Variants in PRKN observed in about 807,000 individuals in gnomAD.
PRKN encodes the protein parkin RBR E3 ubiquitin protein ligase.
In PRKN, 56 loss-of-function variants were observed where a neutral mutation model predicts 59.5. The observed-to-expected ratio is 0.94, with a 90% CI of 0.76 to 1.18. PRKN has a LOEUF of 1.18. PRKN is among the 50% of genes most tolerant of loss of function. The probability of loss-of-function intolerance (pLI) is 0.00; values close to 1 mark genes in which losing one functional copy is unlikely to be tolerated. For synonymous variants in PRKN, 250 were observed against 222.1 expected (o/e 1.13, Z -1.12); for missense variants, 657 against 596.4 (o/e 1.10, Z -1.06).
At chr6:162,402,683 T>C (rs1178800390) in intron 2 of PRKN, among the ~76,000 whole-genome samples, 1 of 150,478 alleles carries the variant, frequency 6.6e-6, no homozygotes, top group African/African-American at 2.4e-5. Context: ...TAAGACAAGG[T>C]CTTTCTCTGT....
Position 162,034,380 on chromosome 6 carries a change from C to G in PRKN, c.618+19711G>C, listed in dbSNP as rs76187931. ...TCAAAAAGTAGTGCTGGTAAAACAG[C>G]TAGAAACTGGGTGTTTCTTGCTCCA... is the stretch of plus-strand genomic sequence containing the variant. On this transcript the variant is annotated intron_variant, in intron 5 of 11. Transcript: ENST00000366898. Among the ~76,000 whole-genome samples the G allele has an allele frequency of 7.0e-3, 1,071 of 152,200 alleles. 13 individuals carry two copies. The highest frequency in any genetic ancestry group is 0.024 in the African/African-American group (1,015 of 41,520).
chr6:161,856,317 G>A (rs1347991776), intron 6 of PRKN, among the ~76,000 whole-genome samples: 4 of 151,462 alleles, frequency 2.6e-5, no homozygotes, highest in Admixed American at 6.6e-5. Context: ...CCGAGATTGC[G>A]CCACTGCACT....
At chr6:162,556,247 T>A (rs1053095392) in intron 1 of PRKN, among the ~76,000 whole-genome samples, 8 of 151,986 alleles carry the variant, frequency 5.3e-5, no homozygotes, top group Non-Finnish European at 1.0e-4. Flanking sequence ...CATTGTAAGC[T>A]CTCTGCGAAA....
intron 2 of PRKN, among the ~76,000 whole-genome samples, chr6:162,301,840 G>A (rs941279680): frequency 6.8e-5 from 10 of 147,416 alleles, no homozygotes; most frequent in African/African-American, 2.0e-4. Context: ...TCAATGCTTC[G>A]ATTATATCTC....
In PRKN at chr6:161,413,884, C is replaced by A. The variant is rs1434453140; in HGVS notation, c.1084-27007G>T. On this transcript the variant is annotated intron_variant, in intron 9 of 11. Transcript: ENST00000366898. The surrounding 1 kb of genome is among the most constrained non-coding windows in gnomAD (Gnocchi z 4.4). Reference sequence around the variant, plus strand: ...ATGAAGTCAGGCAGGGTGAGCCTCACCCAGCTGCTGTTCCTTTCTCTTTCC... The same window carrying A: ...ATGAAGTCAGGCAGGGTGAGCCTCAACCAGCTGCTGTTCCTTTCTCTTTCC... Among the ~76,000 whole-genome samples, 2 of 152,120 alleles carry A rather than the reference C, an allele frequency of 1.3e-5. No homozygotes were observed. Among genetic ancestry groups the A allele is most frequent in the African/African-American group, 2.4e-5 (1 of 41,392 alleles).
chr6:161,532,479 G>A (rs919026918), intron 9 of PRKN, among the ~76,000 whole-genome samples: 10 of 148,230 alleles, frequency 6.7e-5, no homozygotes, highest in African/African-American at 2.5e-4. Context: ...CTACTCAGGA[G>A]TTTACTCCAT....
intron 1 of PRKN, among the ~76,000 whole-genome samples, chr6:162,611,918 GC>G (rs1782172687): frequency 6.6e-6 from 1 of 152,058 alleles, no homozygotes; most frequent in Non-Finnish European, 1.5e-5. Context: ...GGGCGTGGTG[GC>G]TCACGCCTGT....
chr6:161,998,445 T>C (rs1021656997), intron 5 of PRKN, among the ~76,000 whole-genome samples: 4 of 152,136 alleles, frequency 2.6e-5, no homozygotes, highest in African/African-American at 7.2e-5. Context: ...CCCCATATAT[T>C]TGCATGTAAA....
In PRKN at chr6:162,671,423, C is replaced by T. The variant is rs567010976; in HGVS notation, c.7+56239G>A. 3.3e-5 allele frequency among the ~76,000 whole-genome samples: 5 copies of T among 151,094 alleles called. No individual in the cohort carries two copies. The South Asian group carries it at 1.0e-3, about 32-fold the overall frequency. On this transcript the variant is annotated intron_variant, in intron 1 of 11. Coordinates refer to ENST00000366898, the MANE Select transcript of PRKN (RefSeq NM_004562.3). ...CTGAGGCAGAAGAATGGCTTGAACC[C>T]GGAAGGCGGAGGATGCAGTGAGCCG...
chr6:162,158,835 C>A (rs903386294), intron 4 of PRKN, among the ~76,000 whole-genome samples: 1 of 151,952 alleles, frequency 6.6e-6, no homozygotes, highest in African/African-American at 2.4e-5. Flanking sequence ...AGGCTTCAAA[C>A]GAGTCTCGTA....
chr6:162,531,346 C>A lies in PRKN; in HGVS notation c.8-87873G>T, dbSNP rs189044046. On this transcript the variant is annotated intron_variant, in intron 1 of 11. Coordinates refer to ENST00000366898, the MANE Select transcript of PRKN (RefSeq NM_004562.3). ...CCGATTCATCACAACAGGGGAATTG[C>A]GGAATTGCAATAGAGAAAGAGTAAT... Among the ~76,000 whole-genome samples the A allele has an allele frequency of 2.6e-5, 4 of 152,158 alleles. No homozygotes were observed. The East Asian group carries it at 5.8e-4, about 22-fold the overall frequency.
At chr6:162,577,753 G>A (rs1780620168) in intron 1 of PRKN, among the ~76,000 whole-genome samples, 1 of 152,030 alleles carries the variant, frequency 6.6e-6, no homozygotes, top group South Asian at 2.1e-4. Flanking sequence ...ACATAGTGAG[G>A]ATCTGTCTCC....
At chr6:162,018,784 T>C (rs561696578) in intron 5 of PRKN, among the ~76,000 whole-genome samples, 2 of 152,316 alleles carry the variant, frequency 1.3e-5, no homozygotes, top group African/African-American at 4.8e-5. Context: ...AAATAAATCC[T>C]ACATGAGTGG....
chr6:162,446,206 A>C (rs1790310826), intron 1 of PRKN, among the ~76,000 whole-genome samples: 1 of 152,192 alleles, frequency 6.6e-6, no homozygotes, highest in Admixed American at 6.5e-5. Context: ...CAGAAAAGAC[A>C]CATGACAAGT....
chr6:161,719,821 G>A (rs1007995233), intron 7 of PRKN, among the ~76,000 whole-genome samples: 2 of 152,100 alleles, frequency 1.3e-5, no homozygotes, highest in Non-Finnish European at 2.9e-5. Context: ...TTGTAGAGAC[G>A]GTTTCTCGCT....
Position 161,578,467 on chromosome 6 carries a change from T to C in PRKN, c.872-9051A>G, listed in dbSNP as rs1299975476. On this transcript the variant is annotated intron_variant, in intron 7 of 11. Coordinates refer to ENST00000366898, the MANE Select transcript of PRKN (RefSeq NM_004562.3). The surrounding 1 kb of genome is among the most constrained non-coding windows in gnomAD (Gnocchi z 4.2). ...GGTTCACCTGGGCAATAATAGCTCT[T>C]GTATAAGACAACAGTTTCCTTATGA... 1.2e-4 allele frequency among the ~76,000 whole-genome samples: 18 copies of C among 152,254 alleles called. No homozygotes were observed. The highest frequency in any genetic ancestry group is 1.2e-3 in the Admixed American group (18 of 15,288).
At chr6:161,617,015 C>G (rs528812861) in intron 7 of PRKN, among the ~76,000 whole-genome samples, 1 of 152,306 alleles carries the variant, frequency 6.6e-6, no homozygotes, top group East Asian at 1.9e-4. Flanking sequence ...AACTAATTTA[C>G]ACTTCCACTA....
At position 161,542,189 on chromosome 6, in the gene PRKN, A is replaced by G. The variant is rs540378348; in HGVS notation, c.1083+6665T>C. Reference sequence around the variant, plus strand: ...TCTTTTCTCTAGCTTACTTTATCATAAGAATATAGTATATAATACATGTGA... The same window carrying G: ...TCTTTTCTCTAGCTTACTTTATCATGAGAATATAGTATATAATACATGTGA... On this transcript the variant is annotated intron_variant, in intron 9 of 11. Transcript: ENST00000366898. Among the ~76,000 whole-genome samples, 6 of 152,338 alleles carry G rather than the reference A, an allele frequency of 3.9e-5. No individual in the cohort carries two copies. In the South Asian group the frequency reaches 1.2e-3, roughly 32 times the overall value.
intron 1 of PRKN, among the ~76,000 whole-genome samples, chr6:162,466,470 C>T (rs1791420223): frequency 6.6e-6 from 1 of 152,166 alleles, no homozygotes; most frequent in Non-Finnish European, 1.5e-5. Context: ...GCCATCATGG[C>T]TCACTGCAGC....
Sources: gnomAD v4.1 joint callset for allele counts (sites outside exome capture counted in the v4.1 genomes callset) on GRCh38, gnomAD v4.1.1 for gene constraint, Gnocchi (gnomAD v3.1) non-coding constraint, MANE v1.5 for transcripts, NCBI Gene and HGNC (gene_info 2026-07-23, HGNC 2026-07-21) for gene names.